WNT8B: variants seen among roughly 807,000 people sequenced by gnomAD.
WNT8B encodes Wnt family member 8B.
WNT8B carries 24 observed loss-of-function variants against 36.6 expected under a neutral mutation model. The observed-to-expected ratio is 0.66, with a 90% CI of 0.48 to 0.92. The LOEUF (loss-of-function observed/expected upper bound fraction) is 0.92. WNT8B is among the 40% of genes least tolerant of loss of function. The pLI is 0.00. For missense variants in WNT8B, 402 were observed against 470.8 expected (o/e 0.85, Z 1.35); for synonymous variants, 199 against 189.8 (o/e 1.05, Z -0.40).
intron 1 of WNT8B, 104 bp from the exon 2 acceptor site, chr10:100,478,948 C>G: frequency 1.0e-6 from 1 of 973,302 alleles, no homozygotes; most frequent in East Asian, 2.6e-5. Flanking sequence ...TCCCTTTCTT[C>G]CTATTAATGA....
Position 100,482,249 on chromosome 10 carries a change from T to C in WNT8B, c.511-22T>C. 1 of 1,559,186 alleles carries C rather than the reference T, an allele frequency of 6.4e-7. No individual in the cohort carries two copies. Among genetic ancestry groups the C allele is most frequent in the Non-Finnish European group, 8.6e-7 (1 of 1,157,100 alleles). On this transcript the variant is annotated intron_variant, in intron 5 of 5. Transcript: ENST00000343737. This position sits in a 1 kb window ranked among gnomAD's most constrained non-coding sequence, Gnocchi z 6.6. ...CGCCACGCGCTTAATCCGGGGCCTC[T>C]CACTCCTAGCTCTCTCCCCAGGCGG...
intron 1 of WNT8B, among the ~76,000 whole-genome samples, chr10:100,476,547 TGA>T (rs1851040107): frequency 1.3e-5 from 2 of 152,148 alleles, no homozygotes; most frequent in South Asian, 4.1e-4. Context: ...CCCTTTCTGG[TGA>T]TGTTCAGCAT....
intron 1 of WNT8B, among the ~76,000 whole-genome samples, chr10:100,474,118 T>C (rs1394570454): frequency 2.0e-5 from 3 of 152,076 alleles, no homozygotes; most frequent in African/African-American, 4.8e-5. Context: ...AAGAATACAG[T>C]TGGATATGCA....
At chr10:100,477,019 A>G (rs1480671201) in intron 1 of WNT8B, among the ~76,000 whole-genome samples, 3 of 152,144 alleles carry the variant, frequency 2.0e-5, no homozygotes, top group East Asian at 1.9e-4. Flanking sequence ...AGACTTTCTC[A>G]TGTTACTCTT....
chr10:100,467,383 A>G (rs961575395), intron 1 of WNT8B, among the ~76,000 whole-genome samples: 2 of 152,180 alleles, frequency 1.3e-5, no homozygotes, highest in Admixed American at 1.3e-4. Flanking sequence ...TTATGGGGCT[A>G]TATTCCAGTA....
In WNT8B at chr10:100,482,586, G is replaced by A; in HGVS notation, c.826G>A (p.Gly276Arg). 6.3e-7 allele frequency: 1 copy of A among 1,598,124 alleles called. No individual in the cohort carries two copies. Among genetic ancestry groups the A allele is most frequent in the Non-Finnish European group, 8.5e-7 (1 of 1,177,806 alleles). Residue 276 changes from glycine to arginine, a missense_variant, in exon 6 of 6, where the codon GGG becomes AGG. By Grantham distance (125) the Gly-to-Arg change is moderately radical. This residue lies in a region of WNT8B where 256 missense variants were observed against 278.6 expected (regional missense o/e 0.92). Transcript: ENST00000343737. This position sits in a 1 kb window ranked among gnomAD's most constrained non-coding sequence, Gnocchi z 6.6. ...GTEGRECLRR[G>R]RALGRWERRS... ...CGAAGGCCGAGAGTGCCTAAGGCGC[G>A]GGCGGGCCCTGGGTCGCTGGGAACG... is the stretch of plus-strand genomic sequence containing the variant.
intron 3 of WNT8B, among the ~76,000 whole-genome samples, 175 bp downstream of exon 3, chr10:100,480,187 G>A (rs1333062238): frequency 2.0e-5 from 3 of 152,098 alleles, no homozygotes; most frequent in Non-Finnish European, 4.4e-5. Flanking sequence ...CACCTGTAGA[G>A]TTTTTTCTTT....
intron 1 of WNT8B, among the ~76,000 whole-genome samples, chr10:100,477,940 C>CTGTTTTTTTTTTTTT (rs1169521181): frequency 6.2e-5 from 9 of 145,160 alleles, no homozygotes; most frequent in African/African-American, 1.9e-4. Flanking sequence ...CCATGCCTAG[C>CTGTTTTTTTTTTTTT]TATTTTTTTT....
chr10:100,475,391 C>A (rs556377633), intron 1 of WNT8B, among the ~76,000 whole-genome samples: 14 of 152,264 alleles, frequency 9.2e-5, no homozygotes. Context: ...AACAAAAACA[C>A]AAGTCACTTT....
intron 1 of WNT8B, among the ~76,000 whole-genome samples, chr10:100,476,789 T>C (rs1008317453): frequency 1.3e-5 from 2 of 152,246 alleles, no homozygotes; most frequent in Admixed American, 1.3e-4. Context: ...TTGCAAGACA[T>C]GTACAGGGAA....
chr10:100,463,404 T>A (rs1424206558), intron 1 of WNT8B, among the ~76,000 whole-genome samples, 168 bp downstream of exon 1: 2 of 152,162 alleles, frequency 1.3e-5, no homozygotes, highest in Non-Finnish European at 2.9e-5. Context: ...TTTTAGTGAA[T>A]CTTTAGGACC....
At chr10:100,477,648 T>C (rs1851055313) in intron 1 of WNT8B, among the ~76,000 whole-genome samples, 1 of 152,236 alleles carries the variant, frequency 6.6e-6, no homozygotes. Context: ...TTCCAATTTT[T>C]GACTATTATT....
At position 100,483,104 on chromosome 10, in the gene WNT8B, C is replaced by T. The variant is rs1851141011; in HGVS notation, c.*288C>T. On this transcript the variant is annotated 3_prime_UTR_variant, in exon 6 of 6. Coordinates refer to ENST00000343737, the MANE Select transcript of WNT8B (RefSeq NM_003393.4). ...GGAGAACAGGTGTTCCTCCTCCCCT[C>T]TCCTAGCAGCCCTAATGTCTGACCT... 2.6e-6 allele frequency: 1 copy of T among 381,714 alleles called. No individual in the cohort carries two copies. The highest frequency in any genetic ancestry group is 4.2e-5 in the East Asian group (1 of 23,870). The allele number at this position is 381,714 out of a possible 1,614,324, so 23.6% of individuals were successfully genotyped here. A position where few individuals can be genotyped will look rare whatever the true frequency, so the allele number is the denominator to read the frequency against.
Position 100,463,209 on chromosome 10 carries a change from C to T in WNT8B, c.41C>T (p.Thr14Ile). Reference protein sequence around the residue: ...SKPSVYICLFTCVLQLSHSWS... With the variant: ...SKPSVYICLFICVLQLSHSWS... ...CCTTCTGTGTACATCTGTCTTTTCA[C>T]CTGTGTCCTCCAACTCAGCCACAGC... The change falls in exon 1 of 6, where the codon ACC becomes ATC. Residue 14 changes from threonine (T) to isoleucine (I), a missense_variant. Coordinates refer to ENST00000343737, the MANE Select transcript of WNT8B (RefSeq NM_003393.4). The T allele has an allele frequency of 1.2e-6, 2 of 1,613,938 alleles. No homozygotes were observed. The highest frequency in any genetic ancestry group is 1.7e-6 in the Non-Finnish European group (2 of 1,179,944).
intron 1 of WNT8B, among the ~76,000 whole-genome samples, chr10:100,478,434 T>C (rs1240305223): frequency 6.6e-6 from 1 of 152,164 alleles, no homozygotes. Context: ...GAGTTAATGC[T>C]AGTTCTCTCC....
Position 100,481,040 on chromosome 10 carries a change from G to T in WNT8B, c.284G>T (p.Gly95Val). 6.2e-7 allele frequency: 1 copy of T among 1,614,038 alleles called. No individual in the cohort carries two copies. The highest frequency in any genetic ancestry group is 8.5e-7 in the Non-Finnish European group (1 of 1,180,012). ...TTTGTGCATGCCATCAGTTCTGCTGGAGTCATGTACACCCTGACTAGAAAC... is the reference window on the plus strand; with the variant it reads ...TTTGTGCATGCCATCAGTTCTGCTGTAGTCATGTACACCCTGACTAGAAAC... ...TAFVHAISSA[G>V]VMYTLTRNCS... Residue 95 changes from glycine to valine, a missense_variant, in exon 4 of 6, where the codon GGA becomes GTA. Transcript: ENST00000343737.
rs769182487 is a variant in WNT8B, at chr10:100,482,397, C to T, written c.637C>T (p.His213Tyr). ...EVGAHLKEKY[H>Y]AALKVDLLQG... ...GGGCGCGCACCTGAAGGAGAAGTAC[C>T]ACGCAGCACTCAAGGTGGACCTGCT... Residue 213 changes from histidine to tyrosine, a missense_variant, in exon 6 of 6, where the codon CAC becomes TAC. His to Tyr is a moderately conservative substitution (Grantham distance 83, BLOSUM62 2). Around this residue, in one of 3 missense-constraint regions of WNT8B, gnomAD observed 256 missense variants for 278.6 expected, o/e 0.92. Coordinates refer to ENST00000343737, the MANE Select transcript of WNT8B (RefSeq NM_003393.4). This position sits in a 1 kb window ranked among gnomAD's most constrained non-coding sequence, Gnocchi z 6.6. 1.2e-6 allele frequency: 2 copies of T among 1,607,290 alleles called. No homozygotes were observed. The highest frequency in any genetic ancestry group is 1.7e-6 in the Non-Finnish European group (2 of 1,179,966).
chr10:100,465,114 T>C (rs983752627), intron 1 of WNT8B, among the ~76,000 whole-genome samples: 2 of 152,122 alleles, frequency 1.3e-5, no homozygotes, highest in Non-Finnish European at 2.9e-5. Flanking sequence ...CTGCCTGAAA[T>C]TACTATCTAA....
chr10:100,478,964 G>A (rs1454319856), intron 1 of WNT8B, 88 bp from the exon 2 acceptor site: 11 of 1,146,118 alleles, frequency 9.6e-6, no homozygotes, highest in African/African-American at 6.3e-5. Flanking sequence ...AATGACATGT[G>A]CTGAAGTAAT....
Sources: gnomAD v4.1 joint callset for allele counts (sites outside exome capture counted in the v4.1 genomes callset) on GRCh38, gnomAD v4.1.1 for gene constraint, gnomAD v4.1.1 regional missense constraint, Gnocchi (gnomAD v3.1) non-coding constraint, MANE v1.5 for transcripts, NCBI Gene and HGNC (gene_info 2026-07-23, HGNC 2026-07-21) for gene names.